Variants in CELA1 observed in about 807,000 individuals in gnomAD.
CELA1 encodes chymotrypsin like elastase 1, also known as chymotrypsin-like elastase family member 1.
CELA1 carries 28 observed loss-of-function variants against 34.8 expected under a neutral mutation model. That is an observed-to-expected ratio of 0.80 (90% confidence interval 0.60 to 1.10). The LOEUF (loss-of-function observed/expected upper bound fraction) is 1.10, where lower values mean the gene tolerates loss of function less well. Ranked by LOEUF, CELA1 falls within the 50% of genes least tolerant of loss-of-function variation. CELA1 has a pLI of 0.00. For synonymous variants in CELA1, 140 were observed against 129.8 expected (o/e 1.08, Z -0.53); for missense variants, 288 against 327.5 (o/e 0.88, Z 0.93).
intron 6 of CELA1, among the ~76,000 whole-genome samples, chr12:51,330,902 A>G (rs896399858): frequency 2.0e-5 from 3 of 148,020 alleles, no homozygotes; most frequent in Non-Finnish European, 4.5e-5. Flanking sequence ...CCCGGGAGGC[A>G]GAGCTTGCAG....
At position 51,343,880 on chromosome 12, in the gene CELA1, A is replaced by C. The variant is rs749424201; in HGVS notation, c.100-27T>G. 3.1e-6 allele frequency: 4 copies of C among 1,292,922 alleles called. No individual in the cohort carries two copies. The Admixed American group carries it at 5.3e-5, about 17-fold the overall frequency. 80.1% of individuals were successfully genotyped at this position (1,292,922 alleles called of 1,614,324 possible). A position where few individuals can be genotyped will look rare whatever the true frequency, so the allele number is the denominator to read the frequency against. ...TAGATGGGGAGGAAAGAAAGAAGGG[A>C]TAGGTTGGTGTTTCTCAAATGGTTT... On this transcript the variant is annotated intron_variant, in intron 2 of 7. Coordinates refer to ENST00000293636, the MANE Select transcript of CELA1 (RefSeq NM_001971.6).
At chr12:51,329,529 A>G (rs1044631753) in intron 7 of CELA1, among the ~76,000 whole-genome samples, 155 bp downstream of exon 7, 1 of 152,028 alleles carries the variant, frequency 6.6e-6, no homozygotes, top group African/African-American at 2.4e-5. Context: ...TTATTGAAGG[A>G]AAGTACACCG....
Position 51,328,494 on chromosome 12 carries a change from A to G in CELA1, c.*83T>C, listed in dbSNP as rs1416390940. Reference sequence around the variant, plus strand: ...TCTATCAATGGCTCAATAGTCTTTCAGAATGTGTTTTACTTTTTGATCGCA... The same window carrying G: ...TCTATCAATGGCTCAATAGTCTTTCGGAATGTGTTTTACTTTTTGATCGCA... On this transcript the variant is annotated 3_prime_UTR_variant, in exon 8 of 8. Coordinates refer to ENST00000293636, the MANE Select transcript of CELA1 (RefSeq NM_001971.6). The G allele has an allele frequency of 1.5e-6, 2 of 1,362,884 alleles. No homozygotes were observed. Among genetic ancestry groups the G allele is most frequent in the East Asian group, 2.3e-5 (1 of 43,712 alleles). 84.4% of individuals were successfully genotyped at this position (1,362,884 alleles called of 1,614,324 possible).
rs2137475194 is a variant in CELA1 at position 51,332,138 on chromosome 12, T to C, written c.610-2305A>G. Among the ~76,000 whole-genome samples, 2 of 151,710 alleles carry C rather than the reference T, an allele frequency of 1.3e-5. 1 individual carries two copies. ...AATTCAAGGCTGCAGTGAGCTGTGA[T>C]TGTGCTACTGCACTCCAGCCTGGGT... On this transcript the variant is annotated intron_variant, in intron 6 of 7. Coordinates refer to ENST00000293636, the MANE Select transcript of CELA1 (RefSeq NM_001971.6).
intron 1 of CELA1, 61 bp from the exon 2 acceptor site, chr12:51,345,938 T>TGGGGGG: frequency 9.0e-7 from 1 of 1,115,638 alleles, no homozygotes; most frequent in African/African-American, 1.6e-5. Context: ...GGGGTAGGGG[T>TGGGGGG]GGGGGGTGGC....
intron 6 of CELA1, among the ~76,000 whole-genome samples, chr12:51,334,591 AC>A (rs1946490659): frequency 6.6e-6 from 1 of 151,732 alleles, no homozygotes; most frequent in African/African-American, 2.4e-5. Flanking sequence ...CCGCCACCAC[AC>A]CCGGCTAATT....
chr12:51,343,022 A>G (rs925655034), intron 3 of CELA1, among the ~76,000 whole-genome samples: 3 of 152,156 alleles, frequency 2.0e-5, no homozygotes, highest in Non-Finnish European at 4.4e-5. Context: ...CCAAAATGAG[A>G]AAGTAACAAG....
At chr12:51,341,110 G>GCC (rs1946531649) in intron 5 of CELA1, 134 bp downstream of exon 5, 2 of 833,412 alleles carry the variant, frequency 2.4e-6, no homozygotes, top group Non-Finnish European at 3.9e-6. Context: ...TAATGCATCA[G>GCC]TTATTGTATC....
chr12:51,333,013 A>G (rs1291038058), intron 6 of CELA1, among the ~76,000 whole-genome samples: 1 of 151,476 alleles, frequency 6.6e-6, no homozygotes, highest in Non-Finnish European at 1.5e-5. Flanking sequence ...CACTGCAACC[A>G]CCACCTCCCA....
intron 6 of CELA1, 129 bp from the exon 7 acceptor site, chr12:51,329,962 T>C (rs1179839824): frequency 5.5e-6 from 4 of 722,172 alleles, no homozygotes; most frequent in Non-Finnish European, 8.8e-6. Context: ...TCCACCTCCT[T>C]CATGTCCCCA....
intron 6 of CELA1, among the ~76,000 whole-genome samples, chr12:51,334,005 T>C (rs1214280545): frequency 6.6e-6 from 1 of 150,634 alleles, no homozygotes. Context: ...AAATGGGAGG[T>C]TCTAAGTGAA....
chr12:51,342,759 C>T, intron 3 of CELA1, 59 bp from the exon 4 acceptor site: 2 of 1,542,622 alleles, frequency 1.3e-6, no homozygotes, highest in East Asian at 2.3e-5. Context: ...CTCTACCCCA[C>T]TTAGAGAAAA....
intron 7 of CELA1, 82 bp from the exon 8 acceptor site, chr12:51,328,676 T>A: frequency 6.6e-7 from 1 of 1,515,824 alleles, no homozygotes; most frequent in Admixed American, 1.7e-5. Context: ...CAGTTAAGTA[T>A]GGTTTTGTAC....
intron 7 of CELA1, 81 bp from the exon 8 acceptor site, chr12:51,328,675 A>G (rs1946450837): frequency 6.6e-7 from 1 of 1,517,380 alleles, no homozygotes; most frequent in African/African-American, 1.4e-5. Context: ...CCAGTTAAGT[A>G]TGGTTTTGTA....
intron 4 of CELA1, 38 bp from the exon 5 acceptor site, chr12:51,341,418 G>C (rs1946534588): frequency 6.2e-7 from 1 of 1,612,412 alleles, no homozygotes; most frequent in Non-Finnish European, 8.5e-7. Context: ...CATGGGATCA[G>C]CTCTTCCCTG....
intron 6 of CELA1, among the ~76,000 whole-genome samples, chr12:51,333,254 C>T (rs1946481349): frequency 6.6e-6 from 1 of 151,914 alleles, no homozygotes; most frequent in African/African-American, 2.4e-5. Context: ...ACCACCACAC[C>T]TGGCTAATTT....
At chr12:51,330,551 CAG>C (rs1483168223) in intron 6 of CELA1, among the ~76,000 whole-genome samples, 1 of 152,218 alleles carries the variant, frequency 6.6e-6, no homozygotes, top group Admixed American at 6.5e-5. Flanking sequence ...GATCACCTGA[CAG>C]AGAATCCACT....
chr12:51,339,975 TGCTGCAGGGTCTGGGCCA>T lies in CELA1; in HGVS notation c.476_493del (p.Leu159_Gln164del), dbSNP rs756052022. The T allele has an allele frequency of 9.9e-6, 16 of 1,613,972 alleles. No homozygotes were observed. The African/African-American group carries it at 1.9e-4, about 19-fold the overall frequency. Reference sequence around the variant, plus strand: ...GTAGTCCACAGAGGGCAGGTAAGCCTGCTGCAGGGTCTGGGCCAGCTGCCCATTGGCTGAACAGGACAC... The same window carrying T: ...GTAGTCCACAGAGGGCAGGTAAGCCTGCTGCCCATTGGCTGAACAGGACAC... On this transcript the variant is annotated inframe_deletion, in exon 6 of 8. Transcript: ENST00000293636.
chr12:51,337,481 G>T (rs1302282000), intron 6 of CELA1, among the ~76,000 whole-genome samples: 1 of 132,524 alleles, frequency 7.5e-6, no homozygotes, highest in Non-Finnish European at 1.5e-5. Flanking sequence ...AGGCTGCAGT[G>T]AGCCAAGATG....
Sources: allele counts gnomAD v4.1 joint callset (sites outside exome capture counted in the v4.1 genomes callset), GRCh38; gene constraint gnomAD v4.1.1; transcripts MANE v1.5; gene names NCBI Gene and HGNC (gene_info 2026-07-23, HGNC 2026-07-21).